ZNF609: variants seen among roughly 807,000 people sequenced by gnomAD.
ZNF609 encodes zinc finger protein 609.
Under a neutral mutation model 109.5 loss-of-function variants are expected in ZNF609, and 11 were observed. The observed-to-expected ratio is 0.10, with a 90% CI of 0.06 to 0.17. ZNF609 has a LOEUF of 0.17. Ranked by LOEUF, ZNF609 falls within the 10% of genes least tolerant of loss-of-function variation. The pLI is 1.00. For missense variants in ZNF609, 1,559 were observed against 1,772.4 expected, an observed-to-expected ratio of 0.88 and a Z score of 2.16; for synonymous variants, 646 against 662.0, an observed-to-expected ratio of 0.98 and a Z score of 0.37.
At chr15:64,628,184 C>A (rs903101953) in intron 3 of ZNF609, among the ~76,000 whole-genome samples, 1 of 151,942 alleles carries the variant, frequency 6.6e-6, no homozygotes, top group Non-Finnish European at 1.5e-5. Flanking sequence ...GCCTGTAGTC[C>A]CAGCTACTCA....
intron 1 of ZNF609, among the ~76,000 whole-genome samples, chr15:64,462,488 C>T (rs565703490): frequency 6.6e-6 from 1 of 152,238 alleles, no homozygotes; most frequent in East Asian, 1.9e-4. Context: ...GGGAGTCAAG[C>T]CCAGGTGTGG....
chr15:64,510,244 G>A (rs941269915), intron 2 of ZNF609, among the ~76,000 whole-genome samples: 15 of 137,584 alleles, frequency 1.1e-4, no homozygotes, highest in Non-Finnish European at 1.7e-4. Context: ...TCCCTCTGTT[G>A]CCTAGGCTGC....
chr15:64,543,802 C>A (rs1042937967), intron 2 of ZNF609, among the ~76,000 whole-genome samples: 3 of 152,170 alleles, frequency 2.0e-5, no homozygotes, highest in African/African-American at 7.2e-5. Flanking sequence ...AAGTTTTACT[C>A]TGATGAGTTT....
rs184999453 is a variant in ZNF609, at chr15:64,560,020, A to C, written c.747+59854A>C. ...ATACCTCTGTCCAGTATCTAGAGTA[A>C]TTACATACTTACCACCCTTCCTCTT... On this transcript the variant is annotated intron_variant, in intron 2 of 9. Coordinates refer to ENST00000326648, the MANE Select transcript of ZNF609 (RefSeq NM_015042.2). 2.0e-5 allele frequency among the ~76,000 whole-genome samples: 3 copies of C among 152,260 alleles called. No individual in the cohort carries two copies. The East Asian group carries it at 5.8e-4, about 29-fold the overall frequency.
chr15:64,517,376 C>CAAACA lies in ZNF609; in HGVS notation c.747+17224_747+17228dup, dbSNP rs573404448. 1.5e-3 allele frequency among the ~76,000 whole-genome samples: 229 copies of CAAACA among 152,226 alleles called. 1 individual carries two copies. The highest frequency in any genetic ancestry group is 5.1e-3 in the African/African-American group (211 of 41,526). On this transcript the variant is annotated intron_variant, in intron 2 of 9. Coordinates refer to ENST00000326648, the MANE Select transcript of ZNF609 (RefSeq NM_015042.2). ...TAGGTGACAGAGGGGGATTCTGTCT[C>CAAACA]AAACAAAACAAAACAAAATTCCCTG... is the stretch of plus-strand genomic sequence containing the variant.
intron 2 of ZNF609, among the ~76,000 whole-genome samples, chr15:64,566,201 A>G (rs1281372201): frequency 3.3e-5 from 5 of 152,174 alleles, no homozygotes; most frequent in African/African-American, 1.2e-4. Context: ...AAGGTGGCTC[A>G]CACCTGAAAT....
chr15:64,526,104 CTTT>C (rs536172253), intron 2 of ZNF609, among the ~76,000 whole-genome samples: 6 of 132,364 alleles, frequency 4.5e-5, no homozygotes, highest in Admixed American at 7.6e-5. Context: ...TTTTTCTTTT[CTTT>C]TTTTTTTTTT....
At chr15:64,631,689 T>C (rs1342675934) in intron 3 of ZNF609, among the ~76,000 whole-genome samples, 1 of 151,628 alleles carries the variant, frequency 6.6e-6, no homozygotes, top group Non-Finnish European at 1.5e-5. Flanking sequence ...TTCGCCACCA[T>C]GCCCAGCTAA....
chr15:64,521,304 C>T (rs1893887966), intron 2 of ZNF609, among the ~76,000 whole-genome samples: 1 of 152,202 alleles, frequency 6.6e-6, no homozygotes, highest in Non-Finnish European at 1.5e-5. Context: ...AGTCTCTCAT[C>T]CTGGCTCCAG....
chr15:64,524,322 T>C (rs1893938023), intron 2 of ZNF609, among the ~76,000 whole-genome samples: 1 of 152,238 alleles, frequency 6.6e-6, no homozygotes, highest in African/African-American at 2.4e-5. Flanking sequence ...TCCCAGCACT[T>C]TGGGAGGCCA....
intron 2 of ZNF609, among the ~76,000 whole-genome samples, chr15:64,567,233 C>T (rs529991838): frequency 2.0e-5 from 3 of 152,098 alleles, no homozygotes; most frequent in Non-Finnish European, 2.9e-5. Context: ...CTTCTGTAAT[C>T]CCAGCACTTT....
At chr15:64,669,587 A>AT (rs1056456315) in intron 3 of ZNF609, among the ~76,000 whole-genome samples, 6 of 152,010 alleles carry the variant, frequency 3.9e-5, no homozygotes, top group African/African-American at 7.2e-5. Flanking sequence ...TTTGTTGGAG[A>AT]TTTTTTTTGG....
intron 2 of ZNF609, among the ~76,000 whole-genome samples, chr15:64,526,789 C>A (rs1277920014): frequency 6.6e-6 from 1 of 152,078 alleles, no homozygotes. Context: ...AGACACATGC[C>A]ACCACATGTG....
intron 2 of ZNF609, among the ~76,000 whole-genome samples, chr15:64,546,436 C>CT (rs113149337): frequency 0.027 from 3,833 of 140,448 alleles, 127 homozygotes; most frequent in African/African-American, 0.077. Flanking sequence ...ATGTTTCTTT[C>CT]TTTTTTTTTT....
At chr15:64,485,827 C>G (rs116024598) in intron 1 of ZNF609, among the ~76,000 whole-genome samples, 1 of 152,130 alleles carries the variant, frequency 6.6e-6, no homozygotes, top group Non-Finnish European at 1.5e-5. Context: ...CAGAGGGATC[C>G]TTTGTACCCT....
At chr15:64,498,200 A>G (rs1334291660) in intron 1 of ZNF609, among the ~76,000 whole-genome samples, 1 of 151,902 alleles carries the variant, frequency 6.6e-6, no homozygotes, top group Admixed American at 6.6e-5. Flanking sequence ...CAGGTGCCTG[A>G]CACCACATCT....
intron 2 of ZNF609, among the ~76,000 whole-genome samples, chr15:64,578,521 C>T (rs764490317): frequency 1.1e-4 from 17 of 152,010 alleles, no homozygotes; most frequent in Non-Finnish European, 2.2e-4. Flanking sequence ...GGTGAATCCC[C>T]GTCTCTACTA....
At chr15:64,535,669 A>T (rs1488148724) in intron 2 of ZNF609, among the ~76,000 whole-genome samples, 1 of 152,182 alleles carries the variant, frequency 6.6e-6, no homozygotes, top group Non-Finnish European at 1.5e-5. Context: ...GCTGGGTCAT[A>T]TGGTAATTGT....
At chr15:64,648,089 T>C (rs1470325335) in intron 3 of ZNF609, among the ~76,000 whole-genome samples, 1 of 152,222 alleles carries the variant, frequency 6.6e-6, no homozygotes, top group Non-Finnish European at 1.5e-5. Context: ...TCCACAGTTT[T>C]ATTCTCAAGT....
Sources: gnomAD v4.1 joint callset for allele counts (sites outside exome capture counted in the v4.1 genomes callset) on GRCh38, gnomAD v4.1.1 for gene constraint, MANE v1.5 for transcripts, NCBI Gene and HGNC (gene_info 2026-07-23, HGNC 2026-07-21) for gene names.